NRG3: variants seen among roughly 807,000 people sequenced by gnomAD.
NRG3 encodes neuregulin 3, also known as pro-neuregulin-3, membrane-bound isoform.
Under a neutral mutation model 66.9 loss-of-function variants are expected in NRG3, and 31 were observed. The ratio of observed to expected loss-of-function variants is 0.46; its 90% confidence interval spans 0.35 to 0.63. NRG3 has a LOEUF of 0.63. Among genes scored for constraint, NRG3 ranks in the 20% least tolerant of loss-of-function variants. NRG3 has a pLI of 0.00. For missense variants in NRG3, 910 were observed against 878.9 expected (o/e 1.04, Z -0.45); for synonymous variants, 393 against 359.4 (o/e 1.09, Z -1.06).
intron 2 of NRG3, among the ~76,000 whole-genome samples, chr10:82,580,706 A>G (rs1356029349): frequency 6.6e-6 from 1 of 151,070 alleles, no homozygotes; most frequent in Non-Finnish European, 1.5e-5. Flanking sequence ...AGGATTCTCT[A>G]CCTTTTTTTC....
At chr10:82,181,696 A>C (rs1317983319) in intron 1 of NRG3, among the ~76,000 whole-genome samples, 2 of 151,882 alleles carry the variant, frequency 1.3e-5, no homozygotes, top group Non-Finnish European at 2.9e-5. Context: ...ATCCTGTAGA[A>C]TGTACTGTGT....
At chr10:82,570,862 T>C (rs2045687910) in intron 2 of NRG3, among the ~76,000 whole-genome samples, 1 of 151,698 alleles carries the variant, frequency 6.6e-6, no homozygotes. Context: ...TCTTTCATTG[T>C]TATGTTTCCT....
At chr10:82,823,068 G>T (rs1346879743) in intron 3 of NRG3, among the ~76,000 whole-genome samples, 1 of 152,002 alleles carries the variant, frequency 6.6e-6, no homozygotes, top group East Asian at 1.9e-4. Context: ...GATCATCTGG[G>T]TATTCATTTG....
intron 1 of NRG3, among the ~76,000 whole-genome samples, chr10:82,051,371 A>G (rs1271540059): frequency 6.6e-6 from 1 of 152,054 alleles, no homozygotes; most frequent in Admixed American, 6.6e-5. Context: ...CTTCACTCTA[A>G]CCAACTTTTC....
chr10:82,525,252 A>G (rs767748628), intron 2 of NRG3, among the ~76,000 whole-genome samples: 1 of 151,850 alleles, frequency 6.6e-6, no homozygotes, highest in Non-Finnish European at 1.5e-5. Context: ...TTTACTCTGG[A>G]TAGAAGATGC....
intron 1 of NRG3, among the ~76,000 whole-genome samples, chr10:82,270,533 A>C (rs1184174360): frequency 6.6e-6 from 1 of 152,022 alleles, no homozygotes; most frequent in Non-Finnish European, 1.5e-5. Flanking sequence ...CTGCTTCTGT[A>C]ATTTTTTACA....
chr10:81,988,743 A>T (rs2060622239), intron 1 of NRG3, among the ~76,000 whole-genome samples: 1 of 152,126 alleles, frequency 6.6e-6, no homozygotes. Context: ...AGTAGACATA[A>T]GTGCTTGTTT....
At chr10:82,332,595 G>A (rs2082191036) in intron 1 of NRG3, among the ~76,000 whole-genome samples, 1 of 152,118 alleles carries the variant, frequency 6.6e-6, no homozygotes, top group Non-Finnish European at 1.5e-5. Context: ...GCAGCCCTAT[G>A]GTTAGATTTT....
chr10:82,276,410 G>A (rs899407940), intron 1 of NRG3, among the ~76,000 whole-genome samples: 8 of 151,902 alleles, frequency 5.3e-5, no homozygotes, highest in Non-Finnish European at 1.0e-4. Context: ...AAAACTGAAG[G>A]AAAAGGAATT....
At chr10:82,688,066 C>T (rs2054646081) in intron 2 of NRG3, among the ~76,000 whole-genome samples, 1 of 152,182 alleles carries the variant, frequency 6.6e-6, no homozygotes, top group African/African-American at 2.4e-5. Flanking sequence ...CACCCATGTG[C>T]TCACTTGCTC....
chr10:82,826,454 G>T (rs1490771373), intron 3 of NRG3, among the ~76,000 whole-genome samples: 1 of 152,194 alleles, frequency 6.6e-6, no homozygotes, highest in Non-Finnish European at 1.5e-5. Flanking sequence ...AAGGCATGTA[G>T]CTTTTTTCAT....
chr10:82,539,310 A>G (rs1054367048), intron 2 of NRG3, among the ~76,000 whole-genome samples: 4 of 152,202 alleles, frequency 2.6e-5, no homozygotes, highest in African/African-American at 7.2e-5. Flanking sequence ...ATTCTTTAAC[A>G]TAGCACCGTG....
intron 2 of NRG3, among the ~76,000 whole-genome samples, chr10:82,555,804 G>A (rs773919928): frequency 9.2e-5 from 14 of 152,070 alleles, no homozygotes; most frequent in African/African-American, 2.7e-4. Context: ...TTTTATAAAC[G>A]TAGTTTAGAA....
chr10:81,930,339 T>A (rs2132978618), intron 1 of NRG3, among the ~76,000 whole-genome samples: 1 of 152,190 alleles, frequency 6.6e-6, no homozygotes, highest in East Asian at 1.9e-4. Flanking sequence ...AGCTCAAAAA[T>A]TCACTAGAAT....
chr10:82,146,302 T>G (rs929799351), intron 1 of NRG3, among the ~76,000 whole-genome samples: 1 of 152,184 alleles, frequency 6.6e-6, no homozygotes, highest in Non-Finnish European at 1.5e-5. Flanking sequence ...AGTATTTGTC[T>G]TACTCCAAAT....
chr10:82,059,441 G>A (rs541030027), intron 1 of NRG3, among the ~76,000 whole-genome samples: 2 of 152,172 alleles, frequency 1.3e-5, no homozygotes, highest in South Asian at 2.1e-4. Context: ...GAATCAAGGA[G>A]GTGACTAAGC....
At chr10:82,551,558 A>G (rs1288444338) in intron 2 of NRG3, among the ~76,000 whole-genome samples, 1 of 151,832 alleles carries the variant, frequency 6.6e-6, no homozygotes, top group Non-Finnish European at 1.5e-5. Flanking sequence ...CTAGATGACG[A>G]TGATAAAGGT....
intron 2 of NRG3, among the ~76,000 whole-genome samples, chr10:82,696,311 A>C (rs1335068136): frequency 2.0e-5 from 3 of 152,096 alleles, no homozygotes; most frequent in Non-Finnish European, 4.4e-5. Flanking sequence ...CCATTCATTG[A>C]CAAATTTGTA....
At chr10:82,818,700 C>T (rs1334390772) in intron 3 of NRG3, among the ~76,000 whole-genome samples, 1 of 152,096 alleles carries the variant, frequency 6.6e-6, no homozygotes, top group Non-Finnish European at 1.5e-5. Context: ...CAGGGCTGCA[C>T]AGATCGATCT....
Sources: allele counts gnomAD v4.1 joint callset (sites outside exome capture counted in the v4.1 genomes callset), GRCh38; gene constraint gnomAD v4.1.1; transcripts MANE v1.5; gene names NCBI Gene and HGNC (gene_info 2026-07-23, HGNC 2026-07-21).